The following NHERF1 variants were observed in gnomAD, a reference collection of about 807,000 sequenced individuals.
NHERF1 encodes the protein NHERF family PDZ scaffold protein 1, also known as Na(+)/H(+) exchange regulatory cofactor NHE-RF1.
At chr17:74,749,348 A>G in the NHERF1 span, 1 of 1,422,798 alleles carries the variant, frequency 7.0e-7, no homozygotes. The surrounding 1 kb of genome is among the most constrained non-coding windows in gnomAD (Gnocchi z 5.6). Flanking sequence ...GGAGAGACCC[A>G]GGTGCCCCGG....
At chr17:74,757,625 T>C in the NHERF1 span, among the ~76,000 whole-genome samples, 15 of 151,996 alleles carry the variant, frequency 9.9e-5, no homozygotes, top group African/African-American at 3.1e-4. Context: ...GCTGTCTCCA[T>C]CCTGGCTTCC....
the NHERF1 span, chr17:74,762,145 G>A: frequency 6.2e-7 from 1 of 1,614,116 alleles, no homozygotes; most frequent in Non-Finnish European, 8.5e-7. The surrounding 1 kb of genome is among the most constrained non-coding windows in gnomAD (Gnocchi z 4.2). Flanking sequence ...GAGGCTTCAG[G>A]GCTCCGGGCC....
the NHERF1 span, among the ~76,000 whole-genome samples, chr17:74,758,631 T>A: frequency 6.6e-6 from 1 of 152,202 alleles, no homozygotes; most frequent in Non-Finnish European, 1.5e-5. The surrounding 1 kb of genome is among the most constrained non-coding windows in gnomAD (Gnocchi z 4.3). Flanking sequence ...ATGTTCCTTT[T>A]GAGTCTCCTC....
chr17:74,762,276 G>A, the NHERF1 span: 1 of 907,686 alleles, frequency 1.1e-6, no homozygotes, highest in Non-Finnish European at 1.6e-6. This position sits in a 1 kb window ranked among gnomAD's most constrained non-coding sequence, Gnocchi z 4.2. Flanking sequence ...TAGCCCACGG[G>A]CATAGCCAAC....
the NHERF1 span, among the ~76,000 whole-genome samples, chr17:74,763,955 C>A: frequency 4.6e-5 from 7 of 152,200 alleles, no homozygotes; most frequent in Admixed American, 1.3e-4. Flanking sequence ...CTCCCCCTCC[C>A]TCCTCTCAGG....
At chr17:74,749,363 C>T in the NHERF1 span, 1 of 1,334,172 alleles carries the variant, frequency 7.5e-7, no homozygotes, top group East Asian at 2.7e-5. This position sits in a 1 kb window ranked among gnomAD's most constrained non-coding sequence, Gnocchi z 5.6. Context: ...CCCCGGCCGT[C>T]CAGCCCCGCG....
At chr17:74,749,801 C>G in the NHERF1 span, among the ~76,000 whole-genome samples, 1 of 152,234 alleles carries the variant, frequency 6.6e-6, no homozygotes, top group Non-Finnish European at 1.5e-5. This position sits in a 1 kb window ranked among gnomAD's most constrained non-coding sequence, Gnocchi z 5.6. Context: ...GAGGCCCTCT[C>G]CGCAGCCCGC....
chr17:74,758,595 T>C, the NHERF1 span, among the ~76,000 whole-genome samples: 1 of 152,260 alleles, frequency 6.6e-6, no homozygotes, highest in Non-Finnish European at 1.5e-5. The surrounding 1 kb of genome is among the most constrained non-coding windows in gnomAD (Gnocchi z 4.3). Flanking sequence ...GAGGTCCCAC[T>C]TTGCCCTCCG....
At chr17:74,761,995 C>T in the NHERF1 span, 4 of 1,613,432 alleles carry the variant, frequency 2.5e-6, no homozygotes, top group Non-Finnish European at 3.4e-6. This position sits in a 1 kb window ranked among gnomAD's most constrained non-coding sequence, Gnocchi z 4.3. Context: ...GCCATGGACC[C>T]TCCCCTGTCC....
At chr17:74,759,658 C>T in the NHERF1 span, among the ~76,000 whole-genome samples, 10 of 152,256 alleles carry the variant, frequency 6.6e-5, no homozygotes, top group African/African-American at 4.8e-5. Flanking sequence ...CTTCAGCTCC[C>T]AGCCTACCTC....
the NHERF1 span, among the ~76,000 whole-genome samples, chr17:74,756,781 T>C: frequency 1.1e-3 from 163 of 152,300 alleles, no homozygotes; most frequent in African/African-American, 3.7e-3. Flanking sequence ...ATACTTTCCT[T>C]TTAGGACTAT....
chr17:74,751,151 C>A, the NHERF1 span, among the ~76,000 whole-genome samples: 1 of 152,222 alleles, frequency 6.6e-6, no homozygotes, highest in Admixed American at 6.5e-5. The surrounding 1 kb of genome is among the most constrained non-coding windows in gnomAD (Gnocchi z 4.3). Flanking sequence ...GAGCCCCTTA[C>A]TAAATGCTGA....
At chr17:74,767,789 C>T in the NHERF1 span, among the ~76,000 whole-genome samples, 1 of 152,176 alleles carries the variant, frequency 6.6e-6, no homozygotes, top group African/African-American at 2.4e-5. Flanking sequence ...CCCATGCCCC[C>T]ATGTGTCCCC....
the NHERF1 span, chr17:74,748,638 C>T: frequency 1.5e-4 from 74 of 501,160 alleles, no homozygotes; most frequent in Non-Finnish European, 2.5e-4. This position sits in a 1 kb window ranked among gnomAD's most constrained non-coding sequence, Gnocchi z 4.3. Context: ...AGACGCCGCG[C>T]GGGGCGGGGA....
At chr17:74,754,316 A>C in the NHERF1 span, among the ~76,000 whole-genome samples, 7,333 of 151,954 alleles carry the variant, frequency 0.048, 234 homozygotes, top group Non-Finnish European at 0.077. Context: ...GGAAGGAAAC[A>C]GGTTTGTACA....
At chr17:74,767,688 C>T in the NHERF1 span, among the ~76,000 whole-genome samples, 2 of 152,186 alleles carry the variant, frequency 1.3e-5, no homozygotes, top group African/African-American at 2.4e-5. Context: ...TCCTTTGCTG[C>T]TTCAGGGTTA....
At chr17:74,753,272 G>A in the NHERF1 span, among the ~76,000 whole-genome samples, 1 of 152,194 alleles carries the variant, frequency 6.6e-6, no homozygotes, top group African/African-American at 2.4e-5. Context: ...AGTTTGGGGT[G>A]TTTCCTGCCA....
the NHERF1 span, among the ~76,000 whole-genome samples, chr17:74,767,677 C>A: frequency 1.3e-5 from 2 of 152,212 alleles, no homozygotes; most frequent in African/African-American, 4.8e-5. Context: ...TTTCAAGGCC[C>A]TCCTTTGCTG....
chr17:74,758,190 AG>A, the NHERF1 span, among the ~76,000 whole-genome samples: 7 of 152,206 alleles, frequency 4.6e-5, no homozygotes, highest in Non-Finnish European at 1.0e-4. The surrounding 1 kb of genome is among the most constrained non-coding windows in gnomAD (Gnocchi z 4.3). Flanking sequence ...CCAGCTTTCC[AG>A]GTGACTGCTG....
Sources: gnomAD v4.1 joint callset for allele counts (sites outside exome capture counted in the v4.1 genomes callset) on GRCh38, gnomAD v4.1.1 for gene constraint, Gnocchi (gnomAD v3.1) non-coding constraint, MANE v1.5 for transcripts, NCBI Gene and HGNC (gene_info 2026-07-23, HGNC 2026-07-21) for gene names.